Variants in AUTS2 observed in about 807,000 individuals in gnomAD.
AUTS2 encodes the protein autism susceptibility gene 2 protein.
Under a neutral mutation model 112.4 loss-of-function variants are expected in AUTS2, and 17 were observed. The ratio of observed to expected loss-of-function variants is 0.15; its 90% CI spans 0.10 to 0.23. The LOEUF is 0.23. AUTS2 is among the 10% of genes least tolerant of loss of function. AUTS2 has a pLI of 1.00. For synonymous variants in AUTS2, 751 were observed against 702.7 expected, an observed-to-expected ratio of 1.07 and a Z score of -1.09; for missense variants, 1,510 against 1,701.6, an observed-to-expected ratio of 0.89 and a Z score of 1.98.
intron 1 of AUTS2, among the ~76,000 whole-genome samples, chr7:69,662,101 T>C (rs1291983302): frequency 6.6e-6 from 1 of 152,072 alleles, no homozygotes; most frequent in Non-Finnish European, 1.5e-5. Flanking sequence ...TCTTATTCCC[T>C]TCTCCTTCCC....
At chr7:69,973,433 G>T (rs1438487761) in intron 2 of AUTS2, among the ~76,000 whole-genome samples, 1 of 152,032 alleles carries the variant, frequency 6.6e-6, no homozygotes, top group Non-Finnish European at 1.5e-5. Context: ...CCTTTTCTTG[G>T]CTAATTGCAC....
chr7:70,205,545 C>A (rs1027869671), intron 4 of AUTS2, among the ~76,000 whole-genome samples: 1 of 152,158 alleles, frequency 6.6e-6, no homozygotes, highest in African/African-American at 2.4e-5. Context: ...CAGTACTGTA[C>A]TACATAGGCA....
chr7:70,389,067 C>A (rs2129671548), intron 4 of AUTS2, among the ~76,000 whole-genome samples: 1 of 152,284 alleles, frequency 6.6e-6, no homozygotes, highest in South Asian at 2.1e-4. Context: ...ATAGGTTAAC[C>A]AAGCTCCCTT....
intron 5 of AUTS2, among the ~76,000 whole-genome samples, chr7:70,483,040 G>C (rs1365752897): frequency 6.6e-6 from 1 of 152,080 alleles, no homozygotes; most frequent in Non-Finnish European, 1.5e-5. Flanking sequence ...TTCTTTGTGT[G>C]GGGGGTTGGA....
chr7:70,006,639 A>G (rs761050234), intron 2 of AUTS2, among the ~76,000 whole-genome samples: 12 of 152,136 alleles, frequency 7.9e-5, no homozygotes, highest in Non-Finnish European at 1.5e-4. Context: ...GAGCTTTGAT[A>G]ATCCTCGCCC....
At chr7:69,670,555 C>A (rs1217668636) in intron 1 of AUTS2, among the ~76,000 whole-genome samples, 1 of 119,068 alleles carries the variant, frequency 8.4e-6, no homozygotes, top group Non-Finnish European at 1.7e-5. Context: ...CTTGATCCCT[C>A]AAAAAAAAAA....
At chr7:70,138,458 C>G (rs906113857) in intron 4 of AUTS2, among the ~76,000 whole-genome samples, 1 of 152,196 alleles carries the variant, frequency 6.6e-6, no homozygotes, top group East Asian at 1.9e-4. Context: ...GAAGTACAGC[C>G]TTACTTTTTT....
intron 2 of AUTS2, among the ~76,000 whole-genome samples, chr7:70,086,338 T>G (rs186403517): frequency 6.6e-6 from 1 of 152,156 alleles, no homozygotes; most frequent in African/African-American, 2.4e-5. Flanking sequence ...TTCTTTAACT[T>G]CTCTCAGAAA....
chr7:70,296,307 T>A (rs1358115276), intron 4 of AUTS2, among the ~76,000 whole-genome samples: 4 of 152,216 alleles, frequency 2.6e-5, no homozygotes, highest in Non-Finnish European at 5.9e-5. Context: ...CACATAGATA[T>A]CATGTTGACT....
At chr7:70,774,429 A>G in intron 12 of AUTS2, 1 of 264,068 alleles carries the variant, frequency 3.8e-6, no homozygotes, top group Non-Finnish European at 7.2e-6. Context: ...TGTCTTACAC[A>G]AATGAAGTAG....
At chr7:70,306,506 A>G (rs779376937) in intron 4 of AUTS2, among the ~76,000 whole-genome samples, 2 of 152,226 alleles carry the variant, frequency 1.3e-5, no homozygotes, top group Non-Finnish European at 2.9e-5. Context: ...AAACATAAAT[A>G]TTAGTGTTTT....
intron 2 of AUTS2, among the ~76,000 whole-genome samples, chr7:69,978,154 A>T (rs1798135645): frequency 6.6e-6 from 1 of 152,204 alleles, no homozygotes; most frequent in African/African-American, 2.4e-5. Context: ...TCCTATTTGA[A>T]GTATCAGTCA....
chr7:70,240,167 G>A (rs1301140460), intron 4 of AUTS2, among the ~76,000 whole-genome samples: 1 of 152,194 alleles, frequency 6.6e-6, no homozygotes, highest in Non-Finnish European at 1.5e-5. Flanking sequence ...ACAGGTGGTA[G>A]GCTATAGAAG....
At chr7:70,205,614 T>G (rs912684213) in intron 4 of AUTS2, among the ~76,000 whole-genome samples, 1 of 152,206 alleles carries the variant, frequency 6.6e-6, no homozygotes, top group Non-Finnish European at 1.5e-5. Context: ...AGCAATAGGC[T>G]ATACCATAGA....
chr7:69,738,789 G>T (rs983862828), intron 1 of AUTS2, among the ~76,000 whole-genome samples: 12 of 151,886 alleles, frequency 7.9e-5, no homozygotes, highest in African/African-American at 2.9e-4. Context: ...TACTCTAACG[G>T]TTTTTTTTCC....
chr7:69,707,648 A>G (rs943525413), intron 1 of AUTS2, among the ~76,000 whole-genome samples: 2 of 152,224 alleles, frequency 1.3e-5, no homozygotes, highest in African/African-American at 2.4e-5. Context: ...TCTGGATGCT[A>G]GGGATATATT....
At chr7:69,818,554 T>C (rs1312076443) in intron 1 of AUTS2, among the ~76,000 whole-genome samples, 1 of 152,210 alleles carries the variant, frequency 6.6e-6, no homozygotes, top group Non-Finnish European at 1.5e-5. Context: ...ATATCTGTAA[T>C]CTTTTAATCT....
At chr7:70,680,978 A>G (rs1808176885) in intron 5 of AUTS2, among the ~76,000 whole-genome samples, 1 of 152,208 alleles carries the variant, frequency 6.6e-6, no homozygotes, top group Non-Finnish European at 1.5e-5. Context: ...TAAATACCAG[A>G]TGCTCCCTAC....
At chr7:70,066,252 A>T (rs139028537) in intron 2 of AUTS2, among the ~76,000 whole-genome samples, 10 of 152,312 alleles carry the variant, frequency 6.6e-5, no homozygotes, top group African/African-American at 2.4e-4. Flanking sequence ...ACTTTTGACT[A>T]CCTTCTTAAT....
Sources: allele counts gnomAD v4.1 joint callset (sites outside exome capture counted in the v4.1 genomes callset), GRCh38; gene constraint gnomAD v4.1.1; transcripts MANE v1.5; gene names NCBI Gene and HGNC (gene_info 2026-07-23, HGNC 2026-07-21).